RBFOX1: variants seen among roughly 807,000 people sequenced by gnomAD.
RBFOX1 encodes RNA binding fox-1 homolog 1, also known as RNA binding protein fox-1 homolog 1.
In RBFOX1, 8 loss-of-function variants were observed where a neutral mutation model predicts 57.7. That is an observed-to-expected ratio of 0.14 (90% confidence interval 0.08 to 0.25). RBFOX1 has a LOEUF of 0.25. Ranked by LOEUF, RBFOX1 falls within the 10% of genes least tolerant of loss-of-function variation. The pLI is 1.00. For missense variants in RBFOX1, 611 were observed against 548.5 expected, an observed-to-expected ratio of 1.11 and a Z score of -1.14; for synonymous variants, 326 against 222.4, an observed-to-expected ratio of 1.47 and a Z score of -4.15.
intron 2 of RBFOX1, among the ~76,000 whole-genome samples, chr16:6,546,196 T>C (rs995936575): frequency 1.3e-5 from 2 of 152,224 alleles, no homozygotes; most frequent in African/African-American, 2.4e-5. Context: ...ACGTATTGTT[T>C]GTCTAGGTAG....
chr16:7,404,753 G>T (rs901817213), intron 4 of RBFOX1, among the ~76,000 whole-genome samples: 2 of 152,156 alleles, frequency 1.3e-5, no homozygotes, highest in Non-Finnish European at 2.9e-5. Context: ...TTAATTATCT[G>T]ATTCCTTGTT....
intron 3 of RBFOX1, among the ~76,000 whole-genome samples, chr16:6,842,474 GTGTT>G (rs996367014): frequency 6.6e-5 from 10 of 151,986 alleles, no homozygotes; most frequent in African/African-American, 2.2e-4. Context: ...ATGAATGTGT[GTGTT>G]TGTTTAGAAA....
At chr16:7,219,140 C>T (rs543067603) in intron 4 of RBFOX1, among the ~76,000 whole-genome samples, 8 of 152,122 alleles carry the variant, frequency 5.3e-5, no homozygotes, top group South Asian at 2.1e-4. Flanking sequence ...CAGCCCTGCT[C>T]GGAGTAGCCT....
chr16:7,053,102 A>G (rs2050673683), intron 4 of RBFOX1, among the ~76,000 whole-genome samples: 1 of 152,172 alleles, frequency 6.6e-6, no homozygotes, highest in Non-Finnish European at 1.5e-5. Flanking sequence ...CATTTACCTA[A>G]TGATAGTCTC....
At chr16:6,628,287 C>G (rs2098336912) in intron 2 of RBFOX1, among the ~76,000 whole-genome samples, 1 of 152,114 alleles carries the variant, frequency 6.6e-6, no homozygotes, top group South Asian at 2.1e-4. Flanking sequence ...GACTGCTTTC[C>G]CGTTAACGGT....
At chr16:7,452,308 G>A (rs1057154528) in intron 4 of RBFOX1, among the ~76,000 whole-genome samples, 4 of 152,168 alleles carry the variant, frequency 2.6e-5, no homozygotes, top group Non-Finnish European at 4.4e-5. Context: ...ATACATCATT[G>A]GAGAATGAGT....
intron 4 of RBFOX1, among the ~76,000 whole-genome samples, chr16:7,258,192 G>A (rs1336963951): frequency 3.9e-5 from 6 of 152,184 alleles, no homozygotes; most frequent in Non-Finnish European, 7.3e-5. Context: ...TTAACAATGT[G>A]CCATGTACAG....
At chr16:6,707,103 C>A (rs1356657673) in intron 3 of RBFOX1, among the ~76,000 whole-genome samples, 10 of 152,176 alleles carry the variant, frequency 6.6e-5, no homozygotes, top group Admixed American at 5.9e-4. Context: ...TGCACACACA[C>A]ATTTCTCCCC....
chr16:6,643,908 C>G (rs764118299), intron 2 of RBFOX1, among the ~76,000 whole-genome samples: 4 of 152,058 alleles, frequency 2.6e-5, no homozygotes, highest in Non-Finnish European at 5.9e-5. Context: ...GGTGGATCAC[C>G]TGAGGTCAGG....
At chr16:6,165,536 G>A (rs2096910868) in intron 1 of RBFOX1, among the ~76,000 whole-genome samples, 1 of 152,154 alleles carries the variant, frequency 6.6e-6, no homozygotes, top group Non-Finnish European at 1.5e-5. Flanking sequence ...TTGCCCTCTG[G>A]TGGACATTCA....
chr16:7,139,079 C>G (rs1291189613), intron 4 of RBFOX1, among the ~76,000 whole-genome samples: 1 of 152,124 alleles, frequency 6.6e-6, no homozygotes, highest in Non-Finnish European at 1.5e-5. Context: ...GCTGGGATTA[C>G]AGGCATGAGC....
In RBFOX1 at chr16:7,036,356, G is replaced by A. The variant is rs1178875192; in HGVS notation, c.-15-15701G>A. ...CACAATCTTGGTTTTCTACCGCTGT[G>A]TTATAGGAAAGGGGTCCCAATGCAG... On this transcript the variant is annotated intron_variant, in intron 3 of 15. Transcript: ENST00000550418. Among the ~76,000 whole-genome samples the A allele has an allele frequency of 2.6e-5, 4 of 152,114 alleles. No individual in the cohort carries two copies. The East Asian group carries it at 7.7e-4, about 29-fold the overall frequency.
At chr16:6,531,076 A>G (rs922144523) in intron 2 of RBFOX1, among the ~76,000 whole-genome samples, 2 of 152,170 alleles carry the variant, frequency 1.3e-5, no homozygotes, top group Non-Finnish European at 2.9e-5. Flanking sequence ...AAGCTCAGCT[A>G]TTTCTACTGG....
At chr16:5,326,967 C>G (rs1017790532) in intron 1 of RBFOX1, among the ~76,000 whole-genome samples, 1 of 152,180 alleles carries the variant, frequency 6.6e-6, no homozygotes, top group Non-Finnish European at 1.5e-5. Flanking sequence ...AAACAAAACA[C>G]AAACATCCGT....
chr16:6,740,869 T>A (rs926377821), intron 3 of RBFOX1, among the ~76,000 whole-genome samples: 1 of 152,202 alleles, frequency 6.6e-6, no homozygotes, highest in Admixed American at 6.5e-5. Context: ...TAGACAAGAT[T>A]ATCTCAAAAT....
At chr16:6,178,148 T>A (rs1598099914) in intron 1 of RBFOX1, among the ~76,000 whole-genome samples, 1 of 150,770 alleles carries the variant, frequency 6.6e-6, no homozygotes, top group African/African-American at 2.4e-5. Context: ...GACCAGCCTG[T>A]GTCCTTGCCC....
In RBFOX1 at chr16:7,710,913, G is replaced by C. The variant is rs1043769578; in HGVS notation, c.*168G>C. On this transcript the variant is annotated 3_prime_UTR_variant, in exon 16 of 16. Transcript: ENST00000550418. ...TTTTATCTTATACCTCAGATATTTT[G>C]TTCTGTGTATTTTAATATTGTGGGT... The C allele has an allele frequency of 3.8e-6, 3 of 779,498 alleles. No individual in the cohort carries two copies. The Admixed American group carries it at 1.2e-4, about 32-fold the overall frequency. 48.3% of individuals were successfully genotyped at this position (779,498 alleles called of 1,614,324 possible). A position where few individuals can be genotyped will look rare whatever the true frequency, so the allele number is the denominator to read the frequency against.
At chr16:6,888,700 G>C (rs2064720514) in intron 3 of RBFOX1, among the ~76,000 whole-genome samples, 1 of 152,138 alleles carries the variant, frequency 6.6e-6, no homozygotes, top group Non-Finnish European at 1.5e-5. Context: ...TAGTAAAAAA[G>C]CTGGGGGAAG....
At chr16:5,686,344 T>C (rs903518664) in intron 3 of RBFOX1, among the ~76,000 whole-genome samples, 6 of 152,206 alleles carry the variant, frequency 3.9e-5, no homozygotes, top group Admixed American at 3.3e-4. Flanking sequence ...TGACAAAATA[T>C]AATTTGTAGT....
Sources: allele counts gnomAD v4.1 joint callset (sites outside exome capture counted in the v4.1 genomes callset), GRCh38; gene constraint gnomAD v4.1.1; transcripts MANE v1.5; gene names NCBI Gene and HGNC (gene_info 2026-07-23, HGNC 2026-07-21).